CDYL2: variants seen among roughly 807,000 people sequenced by gnomAD.
The protein encoded by CDYL2 is chromodomain Y like 2, also known as chromodomain Y-like protein 2.
A neutral mutation model predicts 49.4 loss-of-function variants in CDYL2; 23 were observed. That is an observed-to-expected ratio of 0.47 (90% CI 0.34 to 0.66). CDYL2 has a LOEUF of 0.66. Ranked by LOEUF, CDYL2 falls within the 30% of genes least tolerant of loss-of-function variation. The probability of loss-of-function intolerance (pLI) is 0.01; values close to 1 mark genes in which losing one functional copy is unlikely to be tolerated. For synonymous variants in CDYL2, 360 were observed against 268.8 expected (o/e 1.34, Z -3.32); for missense variants, 678 against 656.4 (o/e 1.03, Z -0.36).
chr16:80,787,786 A>G (rs1907484787), intron 1 of CDYL2, among the ~76,000 whole-genome samples: 1 of 152,200 alleles, frequency 6.6e-6, no homozygotes, highest in Non-Finnish European at 1.5e-5. Context: ...TTCTTTATGT[A>G]TTGAAGTAAA....
intron 3 of CDYL2, among the ~76,000 whole-genome samples, chr16:80,626,945 G>A (rs545434454): frequency 1.3e-5 from 2 of 152,254 alleles, no homozygotes; most frequent in South Asian, 4.1e-4. Flanking sequence ...GCAGTAAGAT[G>A]TCCAAGGTCA....
chr16:80,680,280 A>G (rs1909917514), intron 2 of CDYL2, among the ~76,000 whole-genome samples: 1 of 152,234 alleles, frequency 6.6e-6, no homozygotes, highest in Non-Finnish European at 1.5e-5. Flanking sequence ...TGTGCAGCAG[A>G]CAACAGTCAT....
At chr16:80,691,061 A>G (rs1198542630) in intron 1 of CDYL2, among the ~76,000 whole-genome samples, 3 of 152,160 alleles carry the variant, frequency 2.0e-5, no homozygotes, top group African/African-American at 7.2e-5. Flanking sequence ...CAAGGCCAAA[A>G]AAAAAAGAAC....
At chr16:80,680,598 C>T (rs990774224) in intron 2 of CDYL2, among the ~76,000 whole-genome samples, 3 of 152,018 alleles carry the variant, frequency 2.0e-5, no homozygotes, top group Non-Finnish European at 4.4e-5. Context: ...ATGAAACTCG[C>T]GTAGTTTTAG....
rs78898473 is a variant in CDYL2 at position 80,612,973 on chromosome 16, G to A, written c.1008-137C>T. 2.4e-3 allele frequency: 1,649 copies of A among 692,376 alleles called. 39 individuals are homozygous for A. The East Asian group carries it at 0.04, about 17-fold the overall frequency. The allele number at this position is 692,376 out of a possible 1,614,324, so 42.9% of individuals were successfully genotyped here. On this transcript the variant is annotated intron_variant, in intron 4 of 6. Coordinates refer to ENST00000570137, the MANE Select transcript of CDYL2 (RefSeq NM_152342.4). The surrounding 1 kb of genome is among the most constrained non-coding windows in gnomAD (Gnocchi z 5.0). ...AGAGGTGCCAGGCAAGGGCCTCATT[G>A]CCTGGACATGGAACCACCAGCTGTC...
At chr16:80,673,895 G>A (rs1356410462) in intron 2 of CDYL2, among the ~76,000 whole-genome samples, 1 of 152,200 alleles carries the variant, frequency 6.6e-6, no homozygotes, top group East Asian at 1.9e-4. Flanking sequence ...GTCAAGAGAA[G>A]GAGATGTGAG....
rs150307242 is a variant in CDYL2 at position 80,780,179 on chromosome 16, C to T, written c.24+23971G>A. Among the ~76,000 whole-genome samples, 865 of 152,062 alleles carry T rather than the reference C, an allele frequency of 5.7e-3. 5 individuals carry two copies. Among genetic ancestry groups the T allele is most frequent in the African/African-American group, 0.02 (823 of 41,478 alleles). ...GCAGAACAGCAGCACTCTGATATTA[C>T]CATTCTACAAACTTCTAAAAGATTT... On this transcript the variant is annotated intron_variant, in intron 1 of 6. Transcript: ENST00000570137.
chr16:80,641,257 C>G (rs58529818), intron 2 of CDYL2, among the ~76,000 whole-genome samples: 1 of 152,010 alleles, frequency 6.6e-6, no homozygotes, highest in Non-Finnish European at 1.5e-5. Context: ...ATACATATGG[C>G]AGCAAACTTT....
rs149586252 is a variant in CDYL2, at chr16:80,767,957, C to T, written c.24+36193G>A. Among the ~76,000 whole-genome samples, 67 of 152,294 alleles carry T rather than the reference C, an allele frequency of 4.4e-4. No individual in the cohort carries two copies. In the Middle Eastern group the frequency reaches 0.01, roughly 23 times the overall value. On this transcript the variant is annotated intron_variant, in intron 1 of 6. Coordinates refer to ENST00000570137, the MANE Select transcript of CDYL2 (RefSeq NM_152342.4). ...CTGGAGCAACTTTACGGATGCAGGG[C>T]TGTATGAATACTGAGCTCTTAAAAT...
intron 2 of CDYL2, among the ~76,000 whole-genome samples, chr16:80,635,389 G>T (rs1470081417): frequency 6.6e-6 from 1 of 152,086 alleles, no homozygotes; most frequent in Non-Finnish European, 1.5e-5. Context: ...CAAAATCAAC[G>T]TGCAAAAATC....
chr16:80,750,361 T>C (rs1434975228), intron 1 of CDYL2, among the ~76,000 whole-genome samples: 2 of 125,958 alleles, frequency 1.6e-5, no homozygotes, highest in Admixed American at 7.7e-5. Flanking sequence ...ACAAAATAAT[T>C]AACAGAAATA....
chr16:80,721,381 C>T (rs1904993195), intron 1 of CDYL2, among the ~76,000 whole-genome samples: 1 of 152,256 alleles, frequency 6.6e-6, no homozygotes, highest in African/African-American at 2.4e-5. Context: ...GGCCTGGATT[C>T]AAAATCATCC....
At chr16:80,688,381 C>T (rs1434024459) in intron 1 of CDYL2, among the ~76,000 whole-genome samples, 1 of 152,122 alleles carries the variant, frequency 6.6e-6, no homozygotes, top group Non-Finnish European at 1.5e-5. Context: ...CACCCCACCT[C>T]TCTGGCCTTG....
At chr16:80,683,534 G>C (rs1910052170) in intron 2 of CDYL2, among the ~76,000 whole-genome samples, 1 of 151,948 alleles carries the variant, frequency 6.6e-6, no homozygotes, top group Non-Finnish European at 1.5e-5. Context: ...AACATATGCA[G>C]GCTGTGTTAG....
Position 80,684,542 on chromosome 16 carries a change from C to T in CDYL2, c.612G>A (p.Gly204=), listed in dbSNP as rs1327537957. Residue 204 remains glycine (G), a synonymous_variant, in exon 2 of 7, where the codon GGG becomes GGA. Coordinates refer to ENST00000570137, the MANE Select transcript of CDYL2 (RefSeq NM_152342.4). Reference sequence around the variant, plus strand: ...AGAGAAAGAAAAGCTACAAACCGAGCCCGTTCTCCGCCAGTGTAGCGTGAT... The same window carrying T: ...AGAGAAAGAAAAGCTACAAACCGAGTCCGTTCTCCGCCAGTGTAGCGTGAT... ...DVNHATLAEN[G]LGSALTNGGL... is the part of the protein sequence containing the mutation. 1.2e-6 allele frequency: 2 copies of T among 1,610,498 alleles called. No individual in the cohort carries two copies. The highest frequency in any genetic ancestry group is 2.7e-5 in the African/African-American group (2 of 74,832).
intron 6 of CDYL2, among the ~76,000 whole-genome samples, 189 bp from the exon 7 acceptor site, chr16:80,604,735 G>A (rs983934894): frequency 6.6e-6 from 1 of 152,186 alleles, no homozygotes; most frequent in African/African-American, 2.4e-5. Context: ...GTGTCAAGAC[G>A]TGAACACTGT....
rs545685497 is a variant in CDYL2, at chr16:80,728,754, C to A, written c.25-43625G>T. ...TCAGACTAACAGCGAGCGGATCTCT[C>A]GGCAGAAACTCTACAAGCCAGAAGA... On this transcript the variant is annotated intron_variant, in intron 1 of 6. Transcript: ENST00000570137. Among the ~76,000 whole-genome samples, 6 of 152,258 alleles carry A rather than the reference C, an allele frequency of 3.9e-5. No individual in the cohort carries two copies. The South Asian group carries it at 6.2e-4, about 16-fold the overall frequency.
intron 3 of CDYL2, among the ~76,000 whole-genome samples, chr16:80,631,252 T>G (rs143371237): frequency 5.3e-5 from 8 of 152,294 alleles, no homozygotes; most frequent in Non-Finnish European, 4.4e-5. Context: ...CGAAATGACA[T>G]GAGATAAACA....
At chr16:80,671,703 G>T (rs921980225) in intron 2 of CDYL2, among the ~76,000 whole-genome samples, 1 of 152,200 alleles carries the variant, frequency 6.6e-6, no homozygotes, top group African/African-American at 2.4e-5. Context: ...GCAAATAAAC[G>T]ATACCGAGGC....
Sources: allele counts gnomAD v4.1 joint callset (sites outside exome capture counted in the v4.1 genomes callset), GRCh38; gene constraint gnomAD v4.1.1; non-coding constraint Gnocchi (gnomAD v3.1); transcripts MANE v1.5; gene names NCBI Gene and HGNC (gene_info 2026-07-23, HGNC 2026-07-21).